Variants in PRIM2 observed in about 807,000 individuals in gnomAD.
PRIM2 encodes the protein DNA primase large subunit.
Under a neutral mutation model 67.3 loss-of-function variants are expected in PRIM2, and 39 were observed. The ratio of observed to expected loss-of-function variants is 0.58; its 90% CI spans 0.45 to 0.76. PRIM2 has a LOEUF of 0.76. Ranked by LOEUF, PRIM2 falls within the 30% of genes least tolerant of loss-of-function variation. The pLI is 0.00. For missense variants in PRIM2, 398 were observed against 598.7 expected (o/e 0.66, Z 3.50); for synonymous variants, 143 against 198.7 (o/e 0.72, Z 2.36).
At chr6:57,514,632 C>T (rs1396388922) in intron 8 of PRIM2, among the ~76,000 whole-genome samples, 2 of 151,996 alleles carry the variant, frequency 1.3e-5, no homozygotes, top group Non-Finnish European at 2.9e-5. Flanking sequence ...TATTGTTTTC[C>T]ATTGTCACCT....
chr6:57,334,831 A>C (rs1768169086), intron 5 of PRIM2, among the ~76,000 whole-genome samples: 1 of 152,150 alleles, frequency 6.6e-6, no homozygotes. Context: ...AGTCAATTAG[A>C]TTGATATGTT....
chr6:57,519,161 C>G (rs1433901424), intron 8 of PRIM2, among the ~76,000 whole-genome samples: 1 of 152,118 alleles, frequency 6.6e-6, no homozygotes, highest in Non-Finnish European at 1.5e-5. Context: ...TATCACGAGG[C>G]AAGTGGAGGC....
intron 8 of PRIM2, among the ~76,000 whole-genome samples, chr6:57,515,667 A>C (rs1440499731): frequency 6.6e-6 from 1 of 152,238 alleles, no homozygotes; most frequent in African/African-American, 2.4e-5. Flanking sequence ...GCGTAAGTAC[A>C]TTGTATATAC....
At chr6:57,624,190 G>A (rs1362220172) in intron 12 of PRIM2, among the ~76,000 whole-genome samples, 2 of 152,076 alleles carry the variant, frequency 1.3e-5, no homozygotes, top group African/African-American at 2.4e-5. Flanking sequence ...ATGTTTCTCC[G>A]TATCTCTAAG....
At chr6:57,366,635 T>C (rs1769370363) in intron 5 of PRIM2, among the ~76,000 whole-genome samples, 4 of 152,040 alleles carry the variant, frequency 2.6e-5, no homozygotes. Flanking sequence ...AAGTGGATGT[T>C]GTGATGTCGA....
At chr6:57,530,549 C>CTTCTTCTTAAA (rs1324872621) in intron 8 of PRIM2, among the ~76,000 whole-genome samples, 2 of 152,118 alleles carry the variant, frequency 1.3e-5, no homozygotes, top group African/African-American at 4.8e-5. Context: ...CCTGAATCTG[C>CTTCTTCTTAAA]TTCTTCTTAA....
At chr6:57,368,284 T>TAA (rs144740333) in intron 5 of PRIM2, among the ~76,000 whole-genome samples, 1 of 150,532 alleles carries the variant, frequency 6.6e-6, no homozygotes, top group Non-Finnish European at 1.5e-5. Flanking sequence ...TAATGGACCT[T>TAA]AAAAAAAAAC....
chr6:57,277,798 G>C, the PRIM2 span, among the ~76,000 whole-genome samples: 1 of 151,848 alleles, frequency 6.6e-6, no homozygotes, highest in Non-Finnish European at 1.5e-5. Context: ...GGCTAACATG[G>C]TGAAACCCCA....
chr6:57,265,397 T>G, the PRIM2 span, among the ~76,000 whole-genome samples: 1 of 152,256 alleles, frequency 6.6e-6, no homozygotes, highest in Non-Finnish European at 1.5e-5. Flanking sequence ...CTTTTTCAAG[T>G]CAGCTCTTTA....
chr6:57,399,803 A>C (rs1581864642), intron 7 of PRIM2, among the ~76,000 whole-genome samples: 1 of 151,840 alleles, frequency 6.6e-6, no homozygotes, highest in Non-Finnish European at 1.5e-5. Context: ...GATGATGAGC[A>C]TTTTTTCATG....
intron 10 of PRIM2, among the ~76,000 whole-genome samples, chr6:57,551,760 A>T (rs1183358842): frequency 1.3e-5 from 2 of 152,288 alleles, no homozygotes; most frequent in Admixed American, 1.3e-4. Context: ...TTACTTGGTG[A>T]TTACTGCTAT....
chr6:57,518,929 A>G (rs1234600012), intron 8 of PRIM2, among the ~76,000 whole-genome samples: 2 of 151,996 alleles, frequency 1.3e-5, no homozygotes, highest in African/African-American at 4.8e-5. Context: ...GTTCTTTTCT[A>G]TTTTCCTTAA....
chr6:57,454,912 T>C (rs2127392905), intron 7 of PRIM2, among the ~76,000 whole-genome samples: 1 of 152,338 alleles, frequency 6.6e-6, no homozygotes, highest in South Asian at 2.1e-4. Flanking sequence ...TGCTTTGTCA[T>C]GTGGGCATTT....
chr6:57,572,984 C>T (rs1775890375), intron 10 of PRIM2, among the ~76,000 whole-genome samples: 1 of 152,072 alleles, frequency 6.6e-6, no homozygotes, highest in Admixed American at 6.6e-5. Context: ...GCTCTGTCTC[C>T]CAGGATAGAA....
At chr6:57,456,420 C>T (rs1772782670) in intron 7 of PRIM2, among the ~76,000 whole-genome samples, 1 of 152,160 alleles carries the variant, frequency 6.6e-6, no homozygotes, top group African/African-American at 2.4e-5. Context: ...CTTTCAGGTA[C>T]ACCAATCACA....
chr6:57,629,147 GA>G (rs1278619292), intron 12 of PRIM2, among the ~76,000 whole-genome samples: 67 of 152,182 alleles, frequency 4.4e-4, no homozygotes, highest in African/African-American at 1.5e-3. Flanking sequence ...GTTCATATTG[GA>G]AAAATTTAAC....
At chr6:57,388,046 G>A in intron 7 of PRIM2, among the ~76,000 whole-genome samples, 1 of 152,166 alleles carries the variant, frequency 6.6e-6, no homozygotes, top group East Asian at 1.9e-4. Context: ...AATCAAAAAG[G>A]CCAGTGTAGC....
At chr6:57,467,831 A>G (rs1480386385) in intron 7 of PRIM2, among the ~76,000 whole-genome samples, 2 of 152,150 alleles carry the variant, frequency 1.3e-5, no homozygotes, top group Admixed American at 6.5e-5. Flanking sequence ...TTCTCCTTCA[A>G]GAGGTCCTTC....
intron 10 of PRIM2, among the ~76,000 whole-genome samples, chr6:57,581,260 G>A (rs1314864697): frequency 1.4e-4 from 22 of 151,948 alleles, no homozygotes; most frequent in South Asian, 6.2e-4. Context: ...TACATCACTC[G>A]GCGTACTCCT....
Sources: allele counts gnomAD v4.1 joint callset (sites outside exome capture counted in the v4.1 genomes callset), GRCh38; gene constraint gnomAD v4.1.1; transcripts MANE v1.5; gene names NCBI Gene and HGNC (gene_info 2026-07-23, HGNC 2026-07-21).